The following FAM151B variants were observed in gnomAD, a reference collection of about 807,000 sequenced individuals.
FAM151B encodes the protein family with sequence similarity 151 member B.
In FAM151B, 24 loss-of-function variants were observed where a neutral mutation model predicts 31.2. That is an observed-to-expected ratio of 0.77 (90% CI 0.56 to 1.08). FAM151B has a LOEUF of 1.08. Among genes scored for constraint, FAM151B ranks in the 50% least tolerant of loss-of-function variants. The pLI is 0.00. For synonymous variants in FAM151B, 105 were observed against 111.4 expected (o/e 0.94, Z 0.36); for missense variants, 293 against 328.6 (o/e 0.89, Z 0.84).
At chr5:80,514,058 G>A (rs1419813741) in intron 3 of FAM151B, among the ~76,000 whole-genome samples, 2 of 152,004 alleles carry the variant, frequency 1.3e-5, no homozygotes, top group African/African-American at 4.8e-5. Flanking sequence ...AGTAACCCAG[G>A]AGAGAGAGAG....
chr5:80,522,676 C>T lies in FAM151B; in HGVS notation c.671+538C>T, dbSNP rs573140522. 3.7e-4 allele frequency among the ~76,000 whole-genome samples: 56 copies of T among 152,160 alleles called. No homozygotes were observed. In the Middle Eastern group the frequency reaches 0.01, roughly 28 times the overall value. On this transcript the variant is annotated intron_variant, in intron 5 of 5. Coordinates refer to ENST00000282226, the MANE Select transcript of FAM151B (RefSeq NM_205548.3). ...ACTCGGGAAGCTAAGGTGGGAGCAT[C>T]GCTTGAAACTGGGAGGCCGAGGCTT...
intron 5 of FAM151B, among the ~76,000 whole-genome samples, chr5:80,532,382 C>G (rs1384096998): frequency 1.3e-5 from 2 of 151,874 alleles, no homozygotes; most frequent in African/African-American, 4.8e-5. Flanking sequence ...AAAAAAATGT[C>G]AACACAAAAA....
intron 1 of FAM151B, 140 bp downstream of exon 1, chr5:80,488,288 C>G (rs1040524544): frequency 4.5e-6 from 5 of 1,122,118 alleles, no homozygotes; most frequent in Admixed American, 6.2e-5. Context: ...GGCGGCTGGG[C>G]TTGGAGCCCG....
chr5:80,519,257 G>A (rs1744595664), intron 3 of FAM151B, among the ~76,000 whole-genome samples: 1 of 152,132 alleles, frequency 6.6e-6, no homozygotes, highest in African/African-American at 2.4e-5. Context: ...TCATGAGCCT[G>A]AATTAGAGAT....
At position 80,504,966 on chromosome 5, in the gene FAM151B, T is replaced by C. The variant is rs1743895694; in HGVS notation, c.151+3049T>C. On this transcript the variant is annotated intron_variant, in intron 2 of 5. Transcript: ENST00000282226. ...TGTTGTCCTTGCAGAAGTTTGGCCA[T>C]AGGGTGAAAGAACAACTTCTCTGTA... is the stretch of plus-strand genomic sequence containing the variant. Among the ~76,000 whole-genome samples, 3 of 152,156 alleles carry C rather than the reference T, an allele frequency of 2.0e-5. No homozygotes were observed. The South Asian group carries it at 6.2e-4, about 31-fold the overall frequency.
chr5:80,493,993 C>A (rs573574424), intron 1 of FAM151B, among the ~76,000 whole-genome samples: 5 of 152,322 alleles, frequency 3.3e-5, no homozygotes, highest in Non-Finnish European at 5.9e-5. Context: ...GATGTCACCC[C>A]TGGAGACCCA....
intron 2 of FAM151B, among the ~76,000 whole-genome samples, chr5:80,508,144 A>G (rs559501865): frequency 7.7e-4 from 117 of 152,276 alleles, no homozygotes; most frequent in African/African-American, 2.8e-3. Flanking sequence ...TTTTGTATGT[A>G]GATATACCAC....
chr5:80,504,504 G>A (rs971127612), intron 2 of FAM151B, among the ~76,000 whole-genome samples: 1 of 137,298 alleles, frequency 7.3e-6, no homozygotes, highest in African/African-American at 2.6e-5. Context: ...AGCAGACTGC[G>A]ACTATTACTC....
rs1561383731 is a variant in FAM151B, at chr5:80,538,463, TTTCTTTCTTTCTTTCTTTCTTTCC to T, written c.672-3206_672-3183del. Among the ~76,000 whole-genome samples, 300 of 115,316 alleles carry T rather than the reference TTTCTTTCTTTCTTTCTTTCTTTCC, an allele frequency of 2.6e-3. 7 individuals are homozygous for T. The highest frequency in any genetic ancestry group is 9.9e-3 in the African/African-American group (291 of 29,420). 75.7% of individuals were successfully genotyped at this position (115,316 alleles called of 152,430 possible). ...TTCTTTCTTTCTCTTTCTTTCTTTC[TTTCTTTCTTTCTTTCTTTCTTTCC>T]TTCCTTCCTTCCTTTCTTTTCTTTC... On this transcript the variant is annotated intron_variant, in intron 5 of 5. Coordinates refer to ENST00000282226, the MANE Select transcript of FAM151B (RefSeq NM_205548.3).
intron 3 of FAM151B, among the ~76,000 whole-genome samples, chr5:80,515,485 G>A (rs1339881548): frequency 6.6e-6 from 1 of 152,052 alleles, no homozygotes; most frequent in African/African-American, 2.4e-5. Flanking sequence ...TAAACTTTTA[G>A]ATCTCCTTGA....
intron 1 of FAM151B, among the ~76,000 whole-genome samples, chr5:80,492,172 C>A (rs1344117086): frequency 4.0e-5 from 6 of 151,416 alleles, no homozygotes; most frequent in African/African-American, 1.5e-4. Flanking sequence ...TGCAGATAAT[C>A]CTTTTTTTTT....
At chr5:80,500,893 G>A (rs1743715955) in intron 1 of FAM151B, 1 of 809,620 alleles carries the variant, frequency 1.2e-6, no homozygotes, top group Non-Finnish European at 2.2e-6. Flanking sequence ...CTGCATGGAG[G>A]ATCTGATTCA....
At chr5:80,513,878 A>G in intron 3 of FAM151B, 109 bp downstream of exon 3, 5 of 1,098,154 alleles carry the variant, frequency 4.6e-6, no homozygotes, top group Non-Finnish European at 6.3e-6. Context: ...AGACTCTAAT[A>G]TATTTCAGGA....
intron 5 of FAM151B, among the ~76,000 whole-genome samples, chr5:80,534,740 A>G (rs1038092168): frequency 9.9e-5 from 15 of 152,200 alleles, no homozygotes; most frequent in African/African-American, 3.1e-4. Context: ...TTAACATAGT[A>G]CTAGAAGTCC....
At chr5:80,538,071 TA>T (rs1235610825) in intron 5 of FAM151B, among the ~76,000 whole-genome samples, 2 of 95,434 alleles carry the variant, frequency 2.1e-5, no homozygotes, top group African/African-American at 4.7e-5. Flanking sequence ...TTTATTTTAT[TA>T]ATTTTTTTTT....
In FAM151B at chr5:80,501,845, G is replaced by A. The variant is rs768429430; in HGVS notation, c.79G>A (p.Ala27Thr). Residue 27 changes from alanine to threonine, a missense_variant, in exon 2 of 6, where the codon GCA (alanine) becomes ACA (threonine). Ala to Thr is a moderately conservative substitution (Grantham distance 58, BLOSUM62 0). Transcript: ENST00000282226. ...EYFLRNSQIT[A>T]EDGAEITWYH... ...TTTTCTGAGAAATAGCCAGATTACA[G>A]CAGAAGACGGTGCTGAGATCACCTG... is the stretch of plus-strand genomic sequence containing the variant. 2 of 1,603,754 alleles carry A rather than the reference G, an allele frequency of 1.2e-6. No individual in the cohort carries two copies. Among genetic ancestry groups the A allele is most frequent in the Non-Finnish European group, 1.7e-6 (2 of 1,173,616 alleles).
At chr5:80,526,365 T>C (rs763524925) in intron 5 of FAM151B, among the ~76,000 whole-genome samples, 20 of 151,238 alleles carry the variant, frequency 1.3e-4, no homozygotes, top group Non-Finnish European at 2.8e-4. Context: ...CCTAGCACTT[T>C]GGGAGGCCAA....
intron 3 of FAM151B, among the ~76,000 whole-genome samples, chr5:80,517,068 C>T (rs1432435225): frequency 6.6e-6 from 1 of 152,108 alleles, no homozygotes; most frequent in Non-Finnish European, 1.5e-5. Context: ...ACCTGTTAGT[C>T]ACTTAATAGC....
intron 3 of FAM151B, among the ~76,000 whole-genome samples, chr5:80,515,852 G>A (rs1287979440): frequency 6.6e-5 from 10 of 152,276 alleles, no homozygotes; most frequent in African/African-American, 1.9e-4. Flanking sequence ...TGAGGAGCCC[G>A]CTTGTCACGT....
Sources: gnomAD v4.1 joint callset for allele counts (sites outside exome capture counted in the v4.1 genomes callset) on GRCh38, gnomAD v4.1.1 for gene constraint, MANE v1.5 for transcripts, NCBI Gene and HGNC (gene_info 2026-07-23, HGNC 2026-07-21) for gene names.